Variants in ACSS3 observed in about 807,000 individuals in gnomAD.
ACSS3 encodes acyl-CoA synthetase short-chain family member 3, mitochondrial.
A neutral mutation model predicts 84.2 loss-of-function variants in ACSS3; 64 were observed. The ratio of observed to expected loss-of-function variants is 0.76; its 90% CI spans 0.62 to 0.94. ACSS3 has a LOEUF of 0.94. ACSS3 is among the 40% of genes least tolerant of loss of function. The pLI is 0.00. For missense variants in ACSS3, 815 were observed against 867.6 expected, an observed-to-expected ratio of 0.94 and a Z score of 0.76; for synonymous variants, 317 against 310.1, an observed-to-expected ratio of 1.02 and a Z score of -0.23.
At chr12:81,125,424 A>G (rs1593094384) in intron 2 of ACSS3, among the ~76,000 whole-genome samples, 1 of 152,250 alleles carries the variant, frequency 6.6e-6, no homozygotes, top group Middle Eastern at 3.4e-3. Context: ...ATAGGTGTTC[A>G]ATATTTTACT....
intron 8 of ACSS3, among the ~76,000 whole-genome samples, chr12:81,181,689 AAT>A (rs1442595720): frequency 6.6e-6 from 1 of 151,144 alleles, no homozygotes; most frequent in Non-Finnish European, 1.5e-5. Context: ...TCAACAAAGA[AAT>A]ATATATCATA....
intron 4 of ACSS3, among the ~76,000 whole-genome samples, chr12:81,141,688 C>T (rs1002859976): frequency 3.3e-5 from 5 of 152,094 alleles, no homozygotes; most frequent in Non-Finnish European, 5.9e-5. Context: ...TTTTGTGATC[C>T]TCAATTTGAT....
At chr12:81,136,773 G>A (rs1341768883) in intron 3 of ACSS3, among the ~76,000 whole-genome samples, 1 of 152,192 alleles carries the variant, frequency 6.6e-6, no homozygotes, top group Non-Finnish European at 1.5e-5. Context: ...CAAGTGTCAT[G>A]TTTTAAACAA....
At position 81,169,660 on chromosome 12, in the gene ACSS3, A is replaced by G. The variant is rs1887563913; in HGVS notation, c.1099-5128A>G. ...GAATTGTACAAATGCTATGCATACTATTCTGCATTTTAATTTTTTTTTCAC... is the reference window on the plus strand; with the variant it reads ...GAATTGTACAAATGCTATGCATACTGTTCTGCATTTTAATTTTTTTTTCAC... On this transcript the variant is annotated intron_variant, in intron 7 of 15. Coordinates refer to ENST00000548058, the MANE Select transcript of ACSS3 (RefSeq NM_024560.4). 3.3e-5 allele frequency among the ~76,000 whole-genome samples: 5 copies of G among 152,136 alleles called. No individual in the cohort carries two copies. In the South Asian group the frequency reaches 1.0e-3, roughly 32 times the overall value.
intron 7 of ACSS3, among the ~76,000 whole-genome samples, chr12:81,158,040 G>A (rs1886969720): frequency 1.3e-5 from 2 of 151,732 alleles, no homozygotes; most frequent in African/African-American, 4.8e-5. Context: ...TATTCATTGT[G>A]TCTCTATAAA....
chr12:81,103,510 G>A (rs1463516019), intron 1 of ACSS3, among the ~76,000 whole-genome samples: 1 of 152,042 alleles, frequency 6.6e-6, no homozygotes, highest in African/African-American at 2.4e-5. Flanking sequence ...AGGTCACTTG[G>A]TCTAGTCAGT....
chr12:81,196,688 C>T (rs1482859142), intron 8 of ACSS3, among the ~76,000 whole-genome samples: 1 of 152,042 alleles, frequency 6.6e-6, no homozygotes, highest in Non-Finnish European at 1.5e-5. Flanking sequence ...GCAAATGCCA[C>T]ATCTGCTTCT....
At position 81,259,387 on chromosome 12, in the gene ACSS3, T is replaced by C. The variant is rs1421301653; in HGVS notation, c.*4465T>C. 4.8e-6 allele frequency: 3 copies of C among 629,230 alleles called. No homozygotes were observed. In the East Asian group the frequency reaches 9.5e-5, roughly 20 times the overall value. The allele number at this position is 629,230 out of a possible 1,614,324, so 39.0% of individuals were successfully genotyped here. On this transcript the variant is annotated 3_prime_UTR_variant, in exon 16 of 16. Transcript: ENST00000548058. ...ATGCCTAGTATATTACAATAAAACA[T>C]GAAAAACAACTGGCTTCATTTCATA...
intron 7 of ACSS3, among the ~76,000 whole-genome samples, chr12:81,173,928 A>G (rs572203745): frequency 1.6e-5 from 2 of 127,460 alleles, no homozygotes; most frequent in Non-Finnish European, 3.4e-5. Context: ...TCCAACTTCC[A>G]CAAACGGATT....
chr12:81,158,888 G>A (rs898205749), intron 7 of ACSS3, among the ~76,000 whole-genome samples: 2 of 152,024 alleles, frequency 1.3e-5, no homozygotes, highest in Non-Finnish European at 2.9e-5. Context: ...TGATGTGTTC[G>A]TTTGCCCTTC....
At chr12:81,243,613 T>A (rs970718147) in intron 13 of ACSS3, among the ~76,000 whole-genome samples, 4 of 152,102 alleles carry the variant, frequency 2.6e-5, no homozygotes, top group Non-Finnish European at 1.5e-5. Context: ...CAAACTATAC[T>A]ACAAGGCTAC....
chr12:81,155,673 T>C (rs1027421144), intron 7 of ACSS3, among the ~76,000 whole-genome samples: 1 of 152,228 alleles, frequency 6.6e-6, no homozygotes, highest in African/African-American at 2.4e-5. Flanking sequence ...AAGTGTCCTC[T>C]TTTTTCCATG....
At chr12:81,160,572 T>C (rs569227109) in intron 7 of ACSS3, among the ~76,000 whole-genome samples, 196 of 152,354 alleles carry the variant, frequency 1.3e-3, no homozygotes, top group African/African-American at 4.5e-3. Flanking sequence ...AGTTCATTTT[T>C]TAATCATTAA....
chr12:81,078,557 A>G, intron 1 of ACSS3, 126 bp downstream of exon 1: 1 of 1,020,982 alleles, frequency 9.8e-7, no homozygotes, highest in East Asian at 2.6e-5. Flanking sequence ...ATGTGTTCAG[A>G]CCCCTCAATT....
intron 11 of ACSS3, among the ~76,000 whole-genome samples, chr12:81,230,438 A>C (rs10862269): frequency 0.18 from 27,120 of 151,852 alleles, 2,618 homozygotes; most frequent in Middle Eastern, 0.22. Context: ...AATTTGCTGA[A>C]AACAAAAGAT....
At chr12:81,210,405 C>A (rs572343254) in intron 9 of ACSS3, among the ~76,000 whole-genome samples, 10 of 152,246 alleles carry the variant, frequency 6.6e-5, no homozygotes, top group Non-Finnish European at 1.5e-4. Flanking sequence ...AAGATTTAAA[C>A]GTGTTCAATT....
intron 2 of ACSS3, among the ~76,000 whole-genome samples, chr12:81,128,889 A>G (rs1279896849): frequency 6.6e-6 from 1 of 152,302 alleles, no homozygotes; most frequent in East Asian, 1.9e-4. Context: ...ACTTTATTTG[A>G]GTGATTATGA....
rs2136031756 is a variant in ACSS3 at position 81,257,895 on chromosome 12, A to G, written c.*2973A>G. On this transcript the variant is annotated 3_prime_UTR_variant, in exon 16 of 16. Coordinates refer to ENST00000548058, the MANE Select transcript of ACSS3 (RefSeq NM_024560.4). ...ATCACTATATGTTAGTGTCTATTATAGATGATTAATCTTTCTAACTTGATC... is the reference window on the plus strand; with the variant it reads ...ATCACTATATGTTAGTGTCTATTATGGATGATTAATCTTTCTAACTTGATC... 1 of 152,266 alleles carries G rather than the reference A, an allele frequency of 6.6e-6. No individual in the cohort carries two copies. Among genetic ancestry groups the G allele is most frequent in the African/African-American group, 2.4e-5 (1 of 41,574 alleles). The allele number at this position is 152,266 out of a possible 1,614,324, so 9.4% of individuals were successfully genotyped here.
chr12:81,202,766 A>G (rs2135905742), intron 9 of ACSS3, among the ~76,000 whole-genome samples: 1 of 152,276 alleles, frequency 6.6e-6, no homozygotes, highest in South Asian at 2.1e-4. Context: ...TGTAATTTGA[A>G]ATTAGTAAGG....
Sources: allele counts gnomAD v4.1 joint callset (sites outside exome capture counted in the v4.1 genomes callset), GRCh38; gene constraint gnomAD v4.1.1; transcripts MANE v1.5; gene names NCBI Gene and HGNC (gene_info 2026-07-23, HGNC 2026-07-21).